AHCYL2: variants seen among roughly 807,000 people sequenced by gnomAD.
AHCYL2 encodes S-adenosylhomocysteine hydrolase-like protein 2.
In AHCYL2, 28 loss-of-function variants were observed where a neutral mutation model predicts 81.4. That is an observed-to-expected ratio of 0.34 (90% CI 0.25 to 0.47). AHCYL2 has a LOEUF of 0.47. Among genes scored for constraint, AHCYL2 ranks in the 20% least tolerant of loss-of-function variants. The probability of loss-of-function intolerance (pLI) is 1.00; values close to 1 mark genes in which losing one functional copy is unlikely to be tolerated. For missense variants in AHCYL2, 551 were observed against 785.1 expected, an observed-to-expected ratio of 0.70 and a Z score of 3.56; for synonymous variants, 272 against 290.2, an observed-to-expected ratio of 0.94 and a Z score of 0.64.
At chr7:129,362,911 T>C (rs763370926) in intron 1 of AHCYL2, among the ~76,000 whole-genome samples, 5 of 152,106 alleles carry the variant, frequency 3.3e-5, no homozygotes, top group Admixed American at 1.3e-4. Context: ...TGCCTGGGGG[T>C]TTTTTTAGCT....
At chr7:129,420,968 G>A (rs767434224) in intron 12 of AHCYL2, among the ~76,000 whole-genome samples, 18 of 152,164 alleles carry the variant, frequency 1.2e-4, no homozygotes, top group Non-Finnish European at 2.2e-4. Context: ...GATAGTGAGT[G>A]GGCTGGGTGC....
intron 1 of AHCYL2, among the ~76,000 whole-genome samples, chr7:129,248,340 T>A (rs1795130566): frequency 6.6e-6 from 1 of 152,294 alleles, no homozygotes; most frequent in South Asian, 2.1e-4. Context: ...GTCCCTTATA[T>A]AAAATGGCAT....
intron 1 of AHCYL2, among the ~76,000 whole-genome samples, chr7:129,295,889 A>C: frequency 6.6e-6 from 1 of 152,222 alleles, no homozygotes; most frequent in East Asian, 1.9e-4. Context: ...GCAGAATTAA[A>C]GCCACTGGTT....
chr7:129,259,112 C>T (rs2150713252), intron 1 of AHCYL2, among the ~76,000 whole-genome samples: 1 of 152,278 alleles, frequency 6.6e-6, no homozygotes, highest in South Asian at 2.1e-4. Context: ...AAGACCTCTT[C>T]TTCCTTTAAT....
chr7:129,297,333 T>C (rs981647770), intron 1 of AHCYL2, among the ~76,000 whole-genome samples: 4 of 152,156 alleles, frequency 2.6e-5, no homozygotes, highest in Non-Finnish European at 4.4e-5. Context: ...AGGACCGGGC[T>C]GAGTTGTGCA....
intron 1 of AHCYL2, among the ~76,000 whole-genome samples, chr7:129,307,873 A>C (rs1797499624): frequency 6.6e-6 from 1 of 151,772 alleles, no homozygotes. Flanking sequence ...TATGTCTAGA[A>C]ATGTCCGGGA....
intron 1 of AHCYL2, among the ~76,000 whole-genome samples, chr7:129,341,185 A>G (rs1354032565): frequency 3.3e-5 from 5 of 152,254 alleles, no homozygotes; most frequent in South Asian, 4.1e-4. Context: ...TTGGGGTTAC[A>G]TAGCATCTTA....
intron 1 of AHCYL2, among the ~76,000 whole-genome samples, chr7:129,260,357 A>AAT (rs1795581577): frequency 6.6e-6 from 1 of 152,200 alleles, no homozygotes; most frequent in Non-Finnish European, 1.5e-5. Flanking sequence ...ATAGGGAATA[A>AAT]ATATAAAATG....
chr7:129,277,278 C>CTT (rs1554473463), intron 1 of AHCYL2, among the ~76,000 whole-genome samples: 4 of 135,790 alleles, frequency 2.9e-5, no homozygotes, highest in Admixed American at 7.5e-5. Flanking sequence ...AAGTCTCTCT[C>CTT]TTTTTTTTTT....
At chr7:129,399,345 G>T (rs1377200560) in intron 5 of AHCYL2, among the ~76,000 whole-genome samples, 1 of 150,342 alleles carries the variant, frequency 6.7e-6, no homozygotes, top group African/African-American at 2.5e-5. Context: ...TACTCAGGAG[G>T]CTAAGGCAGG....
intron 1 of AHCYL2, among the ~76,000 whole-genome samples, chr7:129,346,014 T>C (rs1279051508): frequency 6.6e-6 from 1 of 152,148 alleles, no homozygotes; most frequent in Non-Finnish European, 1.5e-5. Flanking sequence ...AGTAGAGATT[T>C]AGCAGTTATC....
At chr7:129,287,492 G>T (rs1234718680) in intron 1 of AHCYL2, among the ~76,000 whole-genome samples, 1 of 152,212 alleles carries the variant, frequency 6.6e-6, no homozygotes, top group East Asian at 1.9e-4. Flanking sequence ...TGTACCGGGA[G>T]TAAGTCTCAG....
intron 1 of AHCYL2, among the ~76,000 whole-genome samples, chr7:129,247,247 T>C (rs1795094423): frequency 6.6e-6 from 1 of 152,274 alleles, no homozygotes; most frequent in African/African-American, 2.4e-5. Context: ...GCATTGTCAG[T>C]CTTTTTGATG....
intron 2 of AHCYL2, among the ~76,000 whole-genome samples, chr7:129,386,234 G>A (rs1243945261): frequency 5.9e-5 from 9 of 152,070 alleles, no homozygotes; most frequent in Admixed American, 5.9e-4. Flanking sequence ...AGGTCAAGGT[G>A]GGCGGATCAC....
intron 1 of AHCYL2, among the ~76,000 whole-genome samples, chr7:129,331,917 T>C (rs988324240): frequency 2.5e-4 from 38 of 151,596 alleles, no homozygotes; most frequent in Non-Finnish European, 4.7e-4. Context: ...GAGACAATCA[T>C]TTCTTATTTC....
At chr7:129,300,341 A>G (rs929055461) in intron 1 of AHCYL2, among the ~76,000 whole-genome samples, 2 of 151,614 alleles carry the variant, frequency 1.3e-5, no homozygotes, top group African/African-American at 4.9e-5. Flanking sequence ...CTCTATCTCC[A>G]TGAGTTCAAT....
At chr7:129,354,006 A>G (rs1388394148) in intron 1 of AHCYL2, among the ~76,000 whole-genome samples, 1 of 152,224 alleles carries the variant, frequency 6.6e-6, no homozygotes, top group African/African-American at 2.4e-5. Flanking sequence ...AGAAGTATCC[A>G]ATAGGCGTAG....
chr7:129,390,743 C>A (rs1454553683), intron 4 of AHCYL2, among the ~76,000 whole-genome samples: 3 of 152,138 alleles, frequency 2.0e-5, no homozygotes, highest in African/African-American at 7.2e-5. Context: ...CAAGAGAAGT[C>A]CCTCCAGGAT....
intron 5 of AHCYL2, among the ~76,000 whole-genome samples, chr7:129,399,937 G>T (rs2150926732): frequency 6.6e-6 from 1 of 152,142 alleles, no homozygotes; most frequent in South Asian, 2.1e-4. Context: ...TGTTGGCCAG[G>T]CTGGCCTTGA....
Sources: allele counts gnomAD v4.1 joint callset (sites outside exome capture counted in the v4.1 genomes callset), GRCh38; gene constraint gnomAD v4.1.1; transcripts MANE v1.5; gene names NCBI Gene and HGNC (gene_info 2026-07-23, HGNC 2026-07-21).